PEG3: variants seen among roughly 807,000 people sequenced by gnomAD.
PEG3 encodes paternally-expressed gene 3 protein.
Under a neutral mutation model 35.5 loss-of-function variants are expected in PEG3, and 23 were observed. That is an observed-to-expected ratio of 0.65 (90% CI 0.47 to 0.92). PEG3 has a LOEUF of 0.92. Among genes scored for constraint, PEG3 ranks in the 40% least tolerant of loss-of-function variants. The pLI is 0.00. For synonymous variants in PEG3, 707 were observed against 697.0 expected (o/e 1.01, Z -0.23); for missense variants, 1,960 against 1,985.3 (o/e 0.99, Z 0.24).
rs751139519 is a variant in PEG3 at position 56,814,789 on chromosome 19, G to C, written c.3653C>G (p.Pro1218Arg). 1 of 1,614,162 alleles carries C rather than the reference G, an allele frequency of 6.2e-7. No individual in the cohort carries two copies. The highest frequency in any genetic ancestry group is 1.3e-5 in the African/African-American group (1 of 75,052). ...PRRNRAAERN[P>R]ALAGSAIRCL... is the part of the protein sequence containing the mutation. Reference sequence around the variant, plus strand: ...TCGAATGGCCGACCCAGCAAGAGCAGGATTCCTCTCTGCAGCACGATTCCT... The same window carrying C: ...TCGAATGGCCGACCCAGCAAGAGCACGATTCCTCTCTGCAGCACGATTCCT... The change falls in exon 10 of 10, where the codon CCT becomes CGT. Residue 1218 changes from proline (P) to arginine (R), a missense_variant. By Grantham distance (103) the Pro-to-Arg change is moderately radical. Transcript: ENST00000326441. The surrounding 1 kb of genome is among the most constrained non-coding windows in gnomAD (Gnocchi z 5.8).
At position 56,818,585 on chromosome 19, in the gene PEG3, G is replaced by A. The variant is rs771885567; in HGVS notation, c.772+15C>T. 4.3e-6 allele frequency: 7 copies of A among 1,613,966 alleles called. No individual in the cohort carries two copies. The highest frequency in any genetic ancestry group is 1.7e-5 in the Admixed American group (1 of 60,020). ...ATGACTGGACTGGGAGTGACTGAGA[G>A]AAGCAGCTGCTTACCGAGGGAGAGC... On this transcript the variant is annotated intron_variant, in intron 8 of 9. Transcript: ENST00000326441.
intron 1 of PEG3, among the ~76,000 whole-genome samples, chr19:56,837,304 C>T (rs1034130807): frequency 6.6e-6 from 1 of 152,088 alleles, no homozygotes; most frequent in African/African-American, 2.4e-5. Context: ...CATGCACTGC[C>T]CCTCTCAGGA....
Position 56,816,012 on chromosome 19 carries a change from G to A in PEG3, c.2430C>T (p.Phe810=), listed in dbSNP as rs1240769382. The A allele has an allele frequency of 1.0e-5, 16 of 1,589,514 alleles. No homozygotes were observed. The highest frequency in any genetic ancestry group is 4.5e-5 in the East Asian group (2 of 44,700). ...KVMAESTIQS[F]DAINHQRVRA... ...GAACTCTCTGATGGTTGATAGCATCGAAGCTCTGAATGGTAGACTCTGCCA... is the reference window on the plus strand; with the variant it reads ...GAACTCTCTGATGGTTGATAGCATCAAAGCTCTGAATGGTAGACTCTGCCA... Residue 810 remains phenylalanine (F), a synonymous_variant, in exon 10 of 10, where the codon TTC becomes TTT. Transcript: ENST00000326441.
chr19:56,810,965 C>T lies in PEG3; in HGVS notation c.*2710G>A. On this transcript the variant is annotated 3_prime_UTR_variant, in exon 10 of 10. Coordinates refer to ENST00000326441, the MANE Select transcript of PEG3 (RefSeq NM_006210.3). ...AAAAATTAAAGTGAAAGTATTTAAC[C>T]ATAATTCCACAAAGGTAATGTAACA... 1.2e-5 allele frequency: 12 copies of T among 970,762 alleles called. No individual in the cohort carries two copies. Among genetic ancestry groups the T allele is most frequent in the South Asian group, 4.8e-5 (1 of 20,968 alleles). 60.1% of individuals were successfully genotyped at this position (970,762 alleles called of 1,614,324 possible).
chr19:56,815,171 C>A lies in PEG3; in HGVS notation c.3271G>T (p.Gly1091Cys). 6.2e-7 allele frequency: 1 copy of A among 1,613,966 alleles called. No homozygotes were observed. The highest frequency in any genetic ancestry group is 8.5e-7 in the Non-Finnish European group (1 of 1,179,938). ...TTCTGAGGGTCTTCCATGTCTGAGC[C>A]TTGAATGACAGGGTCTTCAATTGTC... ...QETIEDPVIQGSDMEDPQKDD... is the reference protein window; with the variant it reads ...QETIEDPVIQCSDMEDPQKDD... The change falls in exon 10 of 10, where the codon GGC becomes TGC. Residue 1091 changes from glycine to cysteine, a missense_variant. By Grantham distance (159) the Gly-to-Cys change is radical (BLOSUM62 -3). This residue lies in a region of PEG3 where 798 missense variants were observed against 782.4 expected (regional missense o/e 1.02). Coordinates refer to ENST00000326441, the MANE Select transcript of PEG3 (RefSeq NM_006210.3).
intron 2 of PEG3, among the ~76,000 whole-genome samples, chr19:56,830,742 A>C (rs563730625): frequency 6.6e-6 from 1 of 152,038 alleles, no homozygotes; most frequent in Non-Finnish European, 1.5e-5. Context: ...AGTTACCTGC[A>C]ACTTCAAACA....
chr19:56,813,289 G>A lies in PEG3; in HGVS notation c.*386C>T, dbSNP rs1261131837. On this transcript the variant is annotated 3_prime_UTR_variant, in exon 10 of 10. Coordinates refer to ENST00000326441, the MANE Select transcript of PEG3 (RefSeq NM_006210.3). ...ATATCATATAAATCCAAATATATGT[G>A]ATCACTGTTCTGTCATAATTTGCTA... is the stretch of plus-strand genomic sequence containing the variant. 1.1e-6 allele frequency: 1 copy of A among 933,910 alleles called. No homozygotes were observed. Among genetic ancestry groups the A allele is most frequent in the Non-Finnish European group, 1.3e-6 (1 of 778,240 alleles). The allele number at this position is 933,910 out of a possible 1,614,324, so 57.9% of individuals were successfully genotyped here.
chr19:56,825,469 T>G (rs111754751), intron 3 of PEG3, among the ~76,000 whole-genome samples: 57 of 152,368 alleles, frequency 3.7e-4, no homozygotes, highest in Admixed American at 1.7e-3. Flanking sequence ...GTTTCTTTAC[T>G]TAGTTCATTT....
Position 56,812,558 on chromosome 19 carries a change from CTGA to C in PEG3, c.*1114_*1116del. 6 of 985,774 alleles carry C rather than the reference CTGA, an allele frequency of 6.1e-6. No homozygotes were observed. The highest frequency in any genetic ancestry group is 7.2e-6 in the Non-Finnish European group (6 of 829,918). 61.1% of individuals were successfully genotyped at this position (985,774 alleles called of 1,614,324 possible). On this transcript the variant is annotated 3_prime_UTR_variant, in exon 10 of 10. Coordinates refer to ENST00000326441, the MANE Select transcript of PEG3 (RefSeq NM_006210.3). ...GCAAACTGACTTGTGGCAGCATAAG[CTGA>C]TGCTGCACAGGGGACCCAAGCCATG... is the stretch of plus-strand genomic sequence containing the variant.
chr19:56,817,977 G>A (rs780807331), intron 8 of PEG3, 142 bp from the exon 9 acceptor site: 2 of 658,858 alleles, frequency 3.0e-6, no homozygotes, highest in East Asian at 5.4e-5. Context: ...GAAGACATTT[G>A]CTGTCTCATT....
chr19:56,815,899 T>C lies in PEG3; in HGVS notation c.2543A>G (p.Asn848Ser), dbSNP rs750731373. ...LVASKPPRSH[N>S]GNELVESNEK... is the part of the protein sequence containing the mutation. ...ATTAGATTCCACCAATTCATTTCCA[T>C]TGTGACTTCTTGGAGGTTTGGAAGC... Residue 848 changes from asparagine (N) to serine (S), a missense_variant, in exon 10 of 10, where the codon AAT becomes AGT. By Grantham distance (46) the Asn-to-Ser change is conservative. Transcript: ENST00000326441. 10 of 1,612,560 alleles carry C rather than the reference T, an allele frequency of 6.2e-6. No homozygotes were observed. Among genetic ancestry groups the C allele is most frequent in the South Asian group, 4.4e-5 (4 of 90,802 alleles).
At chr19:56,827,642 T>C (rs2061174859) in intron 2 of PEG3, among the ~76,000 whole-genome samples, 1 of 152,222 alleles carries the variant, frequency 6.6e-6, no homozygotes, top group South Asian at 2.1e-4. Flanking sequence ...CTTCTATGAA[T>C]TTACCTCAGA....
intron 6 of PEG3, among the ~76,000 whole-genome samples, chr19:56,822,139 C>T (rs2060554578): frequency 6.6e-6 from 1 of 152,208 alleles, no homozygotes; most frequent in African/African-American, 2.4e-5. Context: ...TGGCTCTGAA[C>T]AATGCCTATT....
intron 7 of PEG3, 77 bp from the exon 8 acceptor site, chr19:56,818,779 G>A: frequency 1.3e-6 from 2 of 1,511,576 alleles, no homozygotes; most frequent in East Asian, 4.5e-5. Flanking sequence ...TTGGCAACAT[G>A]GGAGTTACAT....
intron 2 of PEG3, among the ~76,000 whole-genome samples, chr19:56,830,045 G>A (rs952514945): frequency 4.6e-5 from 7 of 152,082 alleles, no homozygotes; most frequent in African/African-American, 1.7e-4. Flanking sequence ...TGGCCTAAAC[G>A]GGCCATCAAT....
At position 56,839,853 on chromosome 19, in the gene PEG3, G is replaced by A. The variant is rs1325997958; in HGVS notation, c.-250+729C>T. Among the ~76,000 whole-genome samples, 4 of 151,978 alleles carry A rather than the reference G, an allele frequency of 2.6e-5. No homozygotes were observed. The East Asian group carries it at 7.8e-4, about 30-fold the overall frequency. ...GCTTGAGCAGACGATTACGTCCAATGCCACCCAGTCACTTGAGCCTTGCCC... is the reference window on the plus strand; with the variant it reads ...GCTTGAGCAGACGATTACGTCCAATACCACCCAGTCACTTGAGCCTTGCCC... On this transcript the variant is annotated intron_variant, in intron 1 of 9. Transcript: ENST00000326441.
chr19:56,816,214 C>T lies in PEG3; in HGVS notation c.2228G>A (p.Ser743Asn), dbSNP rs549380382. The T allele has an allele frequency of 1.2e-6, 2 of 1,614,182 alleles. No individual in the cohort carries two copies. Among genetic ancestry groups the T allele is most frequent in the Non-Finnish European group, 1.7e-6 (2 of 1,180,002 alleles). Residue 743 changes from serine (S) to asparagine (N), a missense_variant, in exon 10 of 10, where the codon AGT becomes AAT. By Grantham distance (46) the Ser-to-Asn change is conservative. Coordinates refer to ENST00000326441, the MANE Select transcript of PEG3 (RefSeq NM_006210.3). ...GGTGAACGCCTTTTCGTCCTCATCA[C>T]TTTCAAGAGGTCTTGTTATAGTATG... ...KSHTITRPLE[S>N]DEDEKAFTIS...
intron 3 of PEG3, 118 bp from the exon 4 acceptor site, chr19:56,824,859 G>T: frequency 1.8e-6 from 1 of 554,202 alleles, no homozygotes; most frequent in Non-Finnish European, 3.2e-6. Flanking sequence ...CCAGTAAATA[G>T]GCAAACAACC....
At position 56,815,037 on chromosome 19, in the gene PEG3, A is replaced by T. The variant is rs2059842942; in HGVS notation, c.3405T>A (p.Val1135=). The change falls in exon 10 of 10, where the codon GTT becomes GTA. Residue 1135 remains valine (V), a synonymous_variant. Coordinates refer to ENST00000326441, the MANE Select transcript of PEG3 (RefSeq NM_006210.3). ...CAGAATGTGTGTACTCCCGACTGTC[A>T]ACCAGGCACTTCCTGCTGTGGACTT... ...HQKVHSRKCL[V]DSREYTHSVI... is the part of the protein sequence containing the mutation. 1 of 1,614,062 alleles carries T rather than the reference A, an allele frequency of 6.2e-7. No individual in the cohort carries two copies. Among genetic ancestry groups the T allele is most frequent in the Admixed American group, 1.7e-5 (1 of 60,008 alleles).
Sources: allele counts gnomAD v4.1 joint callset (sites outside exome capture counted in the v4.1 genomes callset), GRCh38; gene constraint gnomAD v4.1.1; regional missense constraint gnomAD v4.1.1; non-coding constraint Gnocchi (gnomAD v3.1); transcripts MANE v1.5; gene names NCBI Gene and HGNC (gene_info 2026-07-23, HGNC 2026-07-21).